The following TDRD3 variants were observed in gnomAD, a reference collection of about 807,000 sequenced individuals.
TDRD3 encodes the protein tudor domain-containing protein 3.
A neutral mutation model predicts 86.7 loss-of-function variants in TDRD3; 45 were observed. That is an observed-to-expected ratio of 0.52 (90% CI 0.41 to 0.67). The LOEUF (loss-of-function observed/expected upper bound fraction) is 0.67. TDRD3 is among the 30% of genes least tolerant of loss of function. The pLI, the probability that TDRD3 is intolerant of heterozygous loss-of-function variation, is 0.00. For missense variants in TDRD3, 814 were observed against 889.0 expected (o/e 0.92, Z 1.07); for synonymous variants, 298 against 301.7 (o/e 0.99, Z 0.13).
chr13:60,549,827 A>T (rs570602341), intron 12 of TDRD3, among the ~76,000 whole-genome samples: 32 of 152,158 alleles, frequency 2.1e-4, no homozygotes, highest in African/African-American at 6.3e-4. Flanking sequence ...ATGAGAAAAA[A>T]TTTTTTTAGT....
intron 12 of TDRD3, among the ~76,000 whole-genome samples, chr13:60,565,056 T>G (rs1958419950): frequency 7.5e-6 from 1 of 133,398 alleles, no homozygotes; most frequent in Non-Finnish European, 1.6e-5. Context: ...TTTTTTTTTT[T>G]TTTTTTTTTT....
chr13:60,427,565 CCTCTCTACGTCTTT>C (rs1484195832), intron 1 of TDRD3, among the ~76,000 whole-genome samples: 6 of 151,990 alleles, frequency 3.9e-5, no homozygotes, highest in Non-Finnish European at 8.8e-5. Flanking sequence ...TTGGTGATCC[CCTCTCTACGTCTTT>C]CCTTTGACTG....
intron 12 of TDRD3, among the ~76,000 whole-genome samples, chr13:60,567,165 TATA>T (rs1958479240): frequency 6.6e-6 from 1 of 152,200 alleles, no homozygotes; most frequent in Non-Finnish European, 1.5e-5. Context: ...AAATTGTCAT[TATA>T]ATGCTTGCTT....
At chr13:60,535,866 A>G (rs1957688405) in intron 12 of TDRD3, 1 of 152,146 alleles carries the variant, frequency 6.6e-6, no homozygotes, top group South Asian at 2.1e-4. Flanking sequence ...GTGATTTTAT[A>G]TAGATTGATT....
intron 7 of TDRD3, among the ~76,000 whole-genome samples, chr13:60,489,315 T>A (rs753432412): frequency 7.2e-5 from 11 of 152,136 alleles, no homozygotes; most frequent in Non-Finnish European, 1.3e-4. Flanking sequence ...TCTTAACCAG[T>A]GAGATTGAAA....
At chr13:60,454,118 T>A (rs1955609758) in intron 3 of TDRD3, among the ~76,000 whole-genome samples, 1 of 151,392 alleles carries the variant, frequency 6.6e-6, no homozygotes, top group South Asian at 2.1e-4. Context: ...TTCCCTATTT[T>A]GATTACAGAA....
At chr13:60,399,051 C>G (rs186560065) in intron 1 of TDRD3, among the ~76,000 whole-genome samples, 1 of 152,124 alleles carries the variant, frequency 6.6e-6, no homozygotes, top group South Asian at 2.1e-4. Flanking sequence ...TTTTTTAGGT[C>G]CCGAACACGT....
intron 10 of TDRD3, among the ~76,000 whole-genome samples, chr13:60,513,374 C>T (rs572593388): frequency 6.6e-6 from 1 of 152,320 alleles, no homozygotes; most frequent in South Asian, 2.1e-4. Context: ...GACATTTTCC[C>T]CATTGTCTTG....
chr13:60,558,608 G>A (rs934038069), intron 12 of TDRD3, among the ~76,000 whole-genome samples: 1 of 152,100 alleles, frequency 6.6e-6, no homozygotes, highest in African/African-American at 2.4e-5. Context: ...GTAGGCTAAA[G>A]GCAAGATGTT....
chr13:60,451,636 A>T (rs1007900914), intron 3 of TDRD3, among the ~76,000 whole-genome samples: 2 of 152,188 alleles, frequency 1.3e-5, no homozygotes, highest in East Asian at 3.8e-4. Context: ...ACAGGAATGG[A>T]ACTCTACTGC....
chr13:60,573,061 G>T (rs1479511781), intron 13 of TDRD3, among the ~76,000 whole-genome samples: 2 of 152,156 alleles, frequency 1.3e-5, no homozygotes, highest in Non-Finnish European at 2.9e-5. Flanking sequence ...GCTAAAATAG[G>T]CCTGGAGCAT....
chr13:60,537,176 G>A (rs1460867335), intron 12 of TDRD3: 2 of 151,898 alleles, frequency 1.3e-5, no homozygotes, highest in African/African-American at 4.8e-5. Flanking sequence ...GGAGATTCTG[G>A]TATTTCTTTT....
intron 4 of TDRD3, 29 bp from the exon 5 acceptor site, chr13:60,467,209 T>C (rs747032190): frequency 1.9e-6 from 3 of 1,610,604 alleles, no homozygotes; most frequent in African/African-American, 2.7e-5. Flanking sequence ...AGCTTCAATA[T>C]GTTTTTAACA....
intron 10 of TDRD3, among the ~76,000 whole-genome samples, chr13:60,520,645 T>C (rs2137722546): frequency 6.6e-6 from 1 of 152,348 alleles, no homozygotes; most frequent in Non-Finnish European, 1.5e-5. Flanking sequence ...TGTCTGCCTC[T>C]GCCCATTATA....
chr13:60,396,538 A>C (rs966971407), upstream of TDRD3: 3 of 152,702 alleles, frequency 2.0e-5, no homozygotes, highest in African/African-American at 7.2e-5. Flanking sequence ...ATCTGGCAGT[A>C]CAGAGCCAAG....
chr13:60,551,000 A>T (rs1310887253), intron 12 of TDRD3, among the ~76,000 whole-genome samples: 1 of 152,164 alleles, frequency 6.6e-6, no homozygotes, highest in Non-Finnish European at 1.5e-5. Flanking sequence ...AGTATTATGG[A>T]TAATTCGTGT....
intron 7 of TDRD3, among the ~76,000 whole-genome samples, chr13:60,490,103 TA>T (rs1956552680): frequency 1.4e-5 from 2 of 146,196 alleles, no homozygotes; most frequent in African/African-American, 5.0e-5. Context: ...TCAATTTATA[TA>T]TGAGAGAATT....
chr13:60,537,446 A>C (rs1389826846), intron 12 of TDRD3: 1 of 152,112 alleles, frequency 6.6e-6, no homozygotes, highest in Non-Finnish European at 1.5e-5. Flanking sequence ...TGTTGCTGTC[A>C]GTACATGCAA....
intron 12 of TDRD3, among the ~76,000 whole-genome samples, chr13:60,567,065 C>A (rs1286142159): frequency 6.6e-6 from 1 of 152,164 alleles, no homozygotes; most frequent in Non-Finnish European, 1.5e-5. Flanking sequence ...GATGAACATT[C>A]TTTGGCTCTT....
Sources: gnomAD v4.1 joint callset for allele counts (sites outside exome capture counted in the v4.1 genomes callset) on GRCh38, gnomAD v4.1.1 for gene constraint, MANE v1.5 for transcripts, NCBI Gene and HGNC (gene_info 2026-07-23, HGNC 2026-07-21) for gene names.